RIMS4: variants seen among roughly 807,000 people sequenced by gnomAD.
RIMS4 encodes the protein regulating synaptic membrane exocytosis 4, also known as regulating synaptic membrane exocytosis protein 4.
A neutral mutation model predicts 29.0 loss-of-function variants in RIMS4; 9 were observed. The observed-to-expected ratio is 0.31, with a 90% CI of 0.19 to 0.54. RIMS4 has a LOEUF of 0.54. RIMS4 is among the 20% of genes least tolerant of loss of function. RIMS4 has a pLI of 0.94. For missense variants in RIMS4, 193 were observed against 365.7 expected, an observed-to-expected ratio of 0.53 and a Z score of 3.85; for synonymous variants, 130 against 152.9, an observed-to-expected ratio of 0.85 and a Z score of 1.10.
chr20:44,798,594 T>C lies in RIMS4; in HGVS notation c.97+11581A>G, dbSNP rs556812633. On this transcript the variant is annotated intron_variant, in intron 1 of 5. Transcript: ENST00000372851. ...CAGGTCCCCCATCACTCAGCTGCCA[T>C]GAGTATCTGCTGGTGCCGGCTCACA... is the stretch of plus-strand genomic sequence containing the variant. Among the ~76,000 whole-genome samples, 13 of 152,350 alleles carry C rather than the reference T, an allele frequency of 8.5e-5. No homozygotes were observed. In the South Asian group the frequency reaches 1.2e-3, roughly 15 times the overall value.
chr20:44,782,534 C>T (rs962000284), intron 1 of RIMS4, among the ~76,000 whole-genome samples: 16 of 152,134 alleles, frequency 1.1e-4, no homozygotes, highest in Admixed American at 3.3e-4. Flanking sequence ...GCCTCAGCCT[C>T]CCAAAAGTGC....
At chr20:44,793,359 G>A (rs1226287171) in intron 1 of RIMS4, among the ~76,000 whole-genome samples, 1 of 152,214 alleles carries the variant, frequency 6.6e-6, no homozygotes, top group Admixed American at 6.5e-5. Flanking sequence ...GGCCAGGACA[G>A]CTCAAATTTA....
chr20:44,805,135 CAAAAAGAAAAA>C (rs1204402173), intron 1 of RIMS4, among the ~76,000 whole-genome samples: 1 of 150,052 alleles, frequency 6.7e-6, no homozygotes, highest in Non-Finnish European at 1.5e-5. Flanking sequence ...CCCATCTCTA[CAAAAAGAAAAA>C]AAAAAGAAAA....
intron 1 of RIMS4, among the ~76,000 whole-genome samples, chr20:44,809,685 G>A (rs999813152): frequency 2.0e-4 from 30 of 152,308 alleles, no homozygotes; most frequent in African/African-American, 6.7e-4. Flanking sequence ...GGGCGCTCAA[G>A]GCCTGGGGCG....
intron 2 of RIMS4, among the ~76,000 whole-genome samples, chr20:44,761,092 A>G (rs1427742103): frequency 1.3e-5 from 2 of 152,196 alleles, no homozygotes; most frequent in African/African-American, 4.8e-5. Flanking sequence ...ATCCTGAACC[A>G]AGTGGGTCTA....
At chr20:44,804,581 T>A (rs2145481256) in intron 1 of RIMS4, among the ~76,000 whole-genome samples, 1 of 152,300 alleles carries the variant, frequency 6.6e-6, no homozygotes, top group African/African-American at 2.4e-5. Context: ...AAAAAGTCCC[T>A]CAGACAGACA....
intron 2 of RIMS4, among the ~76,000 whole-genome samples, chr20:44,768,941 T>C (rs2066125239): frequency 6.6e-6 from 1 of 152,246 alleles, no homozygotes; most frequent in South Asian, 2.1e-4. Context: ...GTCACTGTGC[T>C]AAGTTCTTTT....
chr20:44,799,054 G>A (rs570403308), intron 1 of RIMS4, among the ~76,000 whole-genome samples: 6 of 152,334 alleles, frequency 3.9e-5, no homozygotes, highest in East Asian at 3.9e-4. Context: ...TGTAATCCCC[G>A]CCCTTTGGGA....
Position 44,757,731 on chromosome 20 carries a change from C to T in RIMS4, c.390G>A (p.Leu130=). Residue 130 remains leucine (L), a synonymous_variant, in exon 4 of 6, where the codon TTG becomes TTA. Transcript: ENST00000372851. ...EIGLQERNGQ[L]EVDIIQARGL... is the part of the protein sequence containing the mutation. ...CCCGAGCCTGGATAATGTCCACCTC[C>T]AACTGACCGTTCCGCTCCTGCAGAC... The T allele has an allele frequency of 1.2e-6, 2 of 1,614,172 alleles. No homozygotes were observed. Among genetic ancestry groups the T allele is most frequent in the Non-Finnish European group, 1.7e-6 (2 of 1,180,032 alleles).
At chr20:44,777,587 G>C (rs2066165663) in intron 1 of RIMS4, among the ~76,000 whole-genome samples, 1 of 152,114 alleles carries the variant, frequency 6.6e-6, no homozygotes, top group African/African-American at 2.4e-5. Flanking sequence ...GACAGAGCTA[G>C]GCTTGAAACC....
intron 1 of RIMS4, among the ~76,000 whole-genome samples, chr20:44,778,221 C>T (rs1419959521): frequency 6.6e-6 from 1 of 152,184 alleles, no homozygotes; most frequent in Non-Finnish European, 1.5e-5. Context: ...CTGTGAGGGC[C>T]CTAACCTTTC....
At chr20:44,760,587 G>A (rs2066080168) in intron 2 of RIMS4, among the ~76,000 whole-genome samples, 1 of 152,172 alleles carries the variant, frequency 6.6e-6, no homozygotes, top group African/African-American at 2.4e-5. Context: ...CACACACTCT[G>A]TCCCCAGTGT....
Position 44,756,503 on chromosome 20 carries a change from CG to C in RIMS4, c.592-152del. On this transcript the variant is annotated intron_variant, in intron 5 of 5. Transcript: ENST00000372851. This position sits in a 1 kb window ranked among gnomAD's most constrained non-coding sequence, Gnocchi z 5.9. ...ATTCCTCAACAGGCCTTTCTTATCA[CG>C]GGGCATCACACCAAGCCCCTGGCCT... is the stretch of plus-strand genomic sequence containing the variant. The C allele has an allele frequency of 1.5e-6, 1 of 657,730 alleles. No individual in the cohort carries two copies. Among genetic ancestry groups the C allele is most frequent in the Non-Finnish European group, 2.7e-6 (1 of 376,098 alleles). The allele number at this position is 657,730 out of a possible 1,614,324, so 40.7% of individuals were successfully genotyped here.
chr20:44,795,086 C>G (rs1245203720), intron 1 of RIMS4, among the ~76,000 whole-genome samples: 1 of 152,198 alleles, frequency 6.6e-6, no homozygotes, highest in African/African-American at 2.4e-5. Flanking sequence ...AAGACCATGG[C>G]CCACTCCTGC....
intron 2 of RIMS4, among the ~76,000 whole-genome samples, chr20:44,766,658 T>C (rs796278018): frequency 2.0e-5 from 3 of 152,216 alleles, no homozygotes; most frequent in African/African-American, 4.8e-5. Context: ...GGATTGGGAA[T>C]GGATTATGGA....
chr20:44,781,088 T>C (rs746735640), intron 1 of RIMS4, among the ~76,000 whole-genome samples: 1 of 152,186 alleles, frequency 6.6e-6, no homozygotes, highest in Non-Finnish European at 1.5e-5. Flanking sequence ...TAAGATACAG[T>C]CTTTGACCTT....
intron 1 of RIMS4, among the ~76,000 whole-genome samples, chr20:44,792,979 G>A (rs2066239453): frequency 1.3e-5 from 2 of 152,126 alleles, no homozygotes; most frequent in South Asian, 4.1e-4. Flanking sequence ...CACCCTGCTG[G>A]CACTGGAGAA....
chr20:44,758,910 G>T (rs2066072449), intron 2 of RIMS4, among the ~76,000 whole-genome samples: 1 of 152,202 alleles, frequency 6.6e-6, no homozygotes, highest in South Asian at 2.1e-4. Context: ...TGACAGCATT[G>T]TGTGAGCTCC....
At chr20:44,773,992 A>G (rs1178756307) in intron 1 of RIMS4, among the ~76,000 whole-genome samples, 1 of 152,146 alleles carries the variant, frequency 6.6e-6, no homozygotes, top group Non-Finnish European at 1.5e-5. Context: ...GCCCTTGCCA[A>G]CTGTCTTGCT....
Sources: allele counts gnomAD v4.1 joint callset (sites outside exome capture counted in the v4.1 genomes callset), GRCh38; gene constraint gnomAD v4.1.1; non-coding constraint Gnocchi (gnomAD v3.1); transcripts MANE v1.5; gene names NCBI Gene and HGNC (gene_info 2026-07-23, HGNC 2026-07-21).